Variants in GATA4 observed in about 807,000 individuals in gnomAD.
GATA4 encodes the protein transcription factor GATA-4.
GATA4 carries 7 observed loss-of-function variants against 37.9 expected under a neutral mutation model. That is an observed-to-expected ratio of 0.18 (90% confidence interval 0.11 to 0.35). GATA4 has a LOEUF of 0.35. Among genes scored for constraint, GATA4 ranks in the 10% least tolerant of loss-of-function variants. The pLI is 1.00. For synonymous variants in GATA4, 372 were observed against 292.6 expected (o/e 1.27, Z -2.77); for missense variants, 647 against 653.0 (o/e 0.99, Z 0.10).
rs1287717896 is a variant in GATA4, at chr8:11,759,789, C to T, written c.*1314C>T. ...AGCTGACTGTGGCATTACTACGCCT[C>T]CCCACACGCCCAGACCCCTCACTCC... On this transcript the variant is annotated 3_prime_UTR_variant, in exon 7 of 7. Transcript: ENST00000532059. 1 of 152,290 alleles carries T rather than the reference C, an allele frequency of 6.6e-6. No individual in the cohort carries two copies. Among genetic ancestry groups the T allele is most frequent in the Non-Finnish European group, 1.5e-5 (1 of 68,050 alleles). The allele number at this position is 152,290 out of a possible 1,614,324, so 9.4% of individuals were successfully genotyped here.
chr8:11,719,852 T>C lies in GATA4; in HGVS notation c.616+10924T>C, dbSNP rs570523247. On this transcript the variant is annotated intron_variant, in intron 2 of 6. Transcript: ENST00000532059. ...ATAACAGCTGAATGGAAGAGTTGGG[T>C]GTAAAAACATATTTTTTAATCTTAT... Among the ~76,000 whole-genome samples the C allele has an allele frequency of 1.5e-3, 234 of 152,328 alleles. 1 individual carries two copies. Among genetic ancestry groups the C allele is most frequent in the African/African-American group, 5.5e-3 (230 of 41,584 alleles).
intron 2 of GATA4, among the ~76,000 whole-genome samples, chr8:11,719,198 G>A (rs914526001): frequency 6.6e-6 from 1 of 151,678 alleles, no homozygotes; most frequent in African/African-American, 2.4e-5. Flanking sequence ...ATTAGGTGGG[G>A]GAGTCCTTTT....
At position 11,706,532 on chromosome 8, in the gene GATA4, G is replaced by A. The variant is rs140366315; in HGVS notation, c.-457-1324G>A. Among the ~76,000 whole-genome samples the A allele has an allele frequency of 1.6e-3, 238 of 152,296 alleles. 1 individual carries two copies. Among genetic ancestry groups the A allele is most frequent in the African/African-American group, 5.5e-3 (230 of 41,560 alleles). On this transcript the variant is annotated intron_variant, in intron 1 of 6. Coordinates refer to ENST00000532059, the MANE Select transcript of GATA4 (RefSeq NM_001308093.3). ...TACAAAATAAGTACCTTTAATATCT[G>A]CATTTTGCAGATGAGGAAACTAAGG...
At chr8:11,718,156 C>G (rs1189959661) in intron 2 of GATA4, among the ~76,000 whole-genome samples, 2 of 152,170 alleles carry the variant, frequency 1.3e-5, no homozygotes, top group East Asian at 3.8e-4. Context: ...GGGCATGGAT[C>G]AAGACAATGA....
rs776715658 is a variant in GATA4 at position 11,756,998 on chromosome 8, C to T, written c.1064C>T (p.Thr355Ile). The change falls in exon 6 of 7, where the codon ACC becomes ATC. Residue 355 changes from threonine to isoleucine, a missense_variant. This residue lies in a region of GATA4 where 184 missense variants were observed against 157.1 expected (regional missense o/e 1.17). Transcript: ENST00000532059. ...SGASSNSSNA[T>I]TSSSEEMRPI... ...GCTTCCAGCAACTCCAGCAACGCCACCACCAGCAGCAGCGAGGAGATGCGT... is the reference window on the plus strand; with the variant it reads ...GCTTCCAGCAACTCCAGCAACGCCATCACCAGCAGCAGCGAGGAGATGCGT... The T allele has an allele frequency of 1.9e-6, 3 of 1,614,154 alleles. No homozygotes were observed. The highest frequency in any genetic ancestry group is 2.7e-5 in the African/African-American group (2 of 74,962).
chr8:11,732,499 GGA>G (rs1563215724), intron 2 of GATA4, among the ~76,000 whole-genome samples: 1 of 152,096 alleles, frequency 6.6e-6, no homozygotes, highest in Non-Finnish European at 1.5e-5. Context: ...CAAAACAGAA[GGA>G]GAGAGGTTGG....
intron 2 of GATA4, among the ~76,000 whole-genome samples, chr8:11,727,138 G>A (rs902244695): frequency 3.9e-5 from 6 of 152,188 alleles, no homozygotes; most frequent in African/African-American, 1.4e-4. Flanking sequence ...GTTTAAAGGC[G>A]GTAAGTGCCT....
upstream of GATA4, among the ~76,000 whole-genome samples, chr8:11,690,923 T>A (rs1164035586): frequency 6.6e-6 from 1 of 152,246 alleles, no homozygotes; most frequent in East Asian, 1.9e-4. Flanking sequence ...ACAATACCAA[T>A]GCCTTGCCCA....
intron 2 of GATA4, among the ~76,000 whole-genome samples, chr8:11,725,366 A>G (rs960510805): frequency 6.6e-6 from 1 of 152,232 alleles, no homozygotes; most frequent in Non-Finnish European, 1.5e-5. Context: ...TCTCACCCCC[A>G]GTCCTGTTGA....
At chr8:11,730,664 T>C (rs796334447) in intron 2 of GATA4, among the ~76,000 whole-genome samples, 1 of 152,172 alleles carries the variant, frequency 6.6e-6, no homozygotes, top group Non-Finnish European at 1.5e-5. Context: ...GGGATGATAT[T>C]TGGTGGTAGC....
chr8:11,724,901 G>A (rs375620419), intron 2 of GATA4, among the ~76,000 whole-genome samples: 2 of 152,234 alleles, frequency 1.3e-5, no homozygotes, highest in East Asian at 3.8e-4. Flanking sequence ...AGTGGCCATC[G>A]TCTTTCTCTT....
intron 1 of GATA4, chr8:11,693,142 TG>T: frequency 1.1e-6 from 1 of 934,006 alleles, no homozygotes; most frequent in East Asian, 1.2e-4. Flanking sequence ...GGTGTTCATT[TG>T]TTCCTAAAGA....
chr8:11,746,199 G>A (rs1802020826), intron 2 of GATA4, among the ~76,000 whole-genome samples: 1 of 151,616 alleles, frequency 6.6e-6, no homozygotes, highest in African/African-American at 2.4e-5. Context: ...CTGCACTGCA[G>A]CCTGGGTGAC....
chr8:11,682,611 A>G (rs1203738569), intron 1 of GATA4, among the ~76,000 whole-genome samples: 1 of 152,244 alleles, frequency 6.6e-6, no homozygotes, highest in African/African-American at 2.4e-5. Context: ...TCTTAAAAAA[A>G]AATTCTAACA....
intron 2 of GATA4, among the ~76,000 whole-genome samples, chr8:11,720,439 CATCTT>C (rs1800621553): frequency 6.6e-6 from 1 of 152,016 alleles, no homozygotes; most frequent in South Asian, 2.1e-4. Flanking sequence ...TTGATGGACT[CATCTT>C]TTCTTTTTAC....
Position 11,735,658 on chromosome 8 carries a change from G to A in GATA4, c.617-13258G>A, listed in dbSNP as rs56076833. On this transcript the variant is annotated intron_variant, in intron 2 of 6. Transcript: ENST00000532059. ...GCTCACTGCAACCTCCTCCTTCCGGGTTCAAGCGATTCTTCTGCTTCAGCC... is the reference window on the plus strand; with the variant it reads ...GCTCACTGCAACCTCCTCCTTCCGGATTCAAGCGATTCTTCTGCTTCAGCC... Among the ~76,000 whole-genome samples the A allele has an allele frequency of 8.3e-3, 1,268 of 152,250 alleles. 11 individuals carry two copies. The highest frequency in any genetic ancestry group is 0.032 in the South Asian group (154 of 4,822).
At chr8:11,681,874 C>G (rs2898291) in intron 1 of GATA4, among the ~76,000 whole-genome samples, 2 of 151,958 alleles carry the variant, frequency 1.3e-5, no homozygotes, top group Non-Finnish European at 2.9e-5. Context: ...CTGGCATACT[C>G]TGCGCCTTCA....
chr8:11,731,315 CA>C (rs370201639), intron 2 of GATA4, among the ~76,000 whole-genome samples: 1 of 152,316 alleles, frequency 6.6e-6, no homozygotes, highest in African/African-American at 2.4e-5. Context: ...ACACAATATC[CA>C]AAAGGTGGAA....
At chr8:11,681,656 C>CT (rs1798978125) in intron 1 of GATA4, among the ~76,000 whole-genome samples, 1 of 152,172 alleles carries the variant, frequency 6.6e-6, no homozygotes, top group South Asian at 2.1e-4. Context: ...TCCTCCTTGC[C>CT]TTTTTTCATC....
Sources: gnomAD v4.1 joint callset for allele counts (sites outside exome capture counted in the v4.1 genomes callset) on GRCh38, gnomAD v4.1.1 for gene constraint, gnomAD v4.1.1 regional missense constraint, MANE v1.5 for transcripts, NCBI Gene and HGNC (gene_info 2026-07-23, HGNC 2026-07-21) for gene names.